Variants in CPNE8 observed in about 807,000 individuals in gnomAD.
The protein encoded by CPNE8 is copine-8.
CPNE8 carries 45 observed loss-of-function variants against 81.5 expected under a neutral mutation model. The observed-to-expected ratio is 0.55, with a 90% CI of 0.44 to 0.71. The LOEUF (loss-of-function observed/expected upper bound fraction) is 0.71. Among genes scored for constraint, CPNE8 ranks in the 30% least tolerant of loss-of-function variants. The pLI, the probability that CPNE8 is intolerant of heterozygous loss-of-function variation, is 0.00. For missense variants in CPNE8, 594 were observed against 672.1 expected (o/e 0.88, Z 1.28); for synonymous variants, 252 against 226.3 (o/e 1.11, Z -1.02).
chr12:38,686,238 T>G (rs1223388210), intron 15 of CPNE8, among the ~76,000 whole-genome samples: 1 of 151,818 alleles, frequency 6.6e-6, no homozygotes, highest in Non-Finnish European at 1.5e-5. Flanking sequence ...TATAATTTGG[T>G]GTGGGGAATA....
intron 19 of CPNE8, among the ~76,000 whole-genome samples, chr12:38,654,377 C>T (rs1002974068): frequency 2.0e-5 from 3 of 151,436 alleles, no homozygotes; most frequent in Admixed American, 1.3e-4. Context: ...TAGCTGGGTG[C>T]GGTGGCACAC....
At chr12:38,724,822 T>A (rs767241770) in intron 12 of CPNE8, 24 bp downstream of exon 12, 1 of 1,362,350 alleles carries the variant, frequency 7.3e-7, no homozygotes, top group Non-Finnish European at 1.0e-6. Context: ...TAATCTTTAA[T>A]AAATAACATA....
intron 4 of CPNE8, among the ~76,000 whole-genome samples, chr12:38,843,435 T>C (rs1389080008): frequency 6.6e-6 from 1 of 152,030 alleles, no homozygotes; most frequent in African/African-American, 2.4e-5. Flanking sequence ...GACTTTTCCC[T>C]CTCTGTTGGG....
intron 6 of CPNE8, among the ~76,000 whole-genome samples, chr12:38,828,938 T>C (rs1205786440): frequency 1.3e-5 from 2 of 152,186 alleles, no homozygotes; most frequent in Non-Finnish European, 2.9e-5. Flanking sequence ...CTTCTCCCAA[T>C]ATTTACCTAC....
chr12:38,880,837 G>GA (rs748323427), intron 1 of CPNE8, among the ~76,000 whole-genome samples: 5 of 151,718 alleles, frequency 3.3e-5, no homozygotes, highest in Non-Finnish European at 1.5e-5. Flanking sequence ...CACACTTCAG[G>GA]AAAAAATATT....
intron 3 of CPNE8, 77 bp downstream of exon 3, chr12:38,872,927 A>G: frequency 1.2e-6 from 1 of 818,104 alleles, no homozygotes; most frequent in Non-Finnish European, 2.0e-6. Flanking sequence ...TGGAAAATAG[A>G]AAGTATCATC....
chr12:38,762,284 C>A (rs928589173), intron 8 of CPNE8, 68 bp from the exon 9 acceptor site: 3 of 795,266 alleles, frequency 3.8e-6, no homozygotes, highest in African/African-American at 3.5e-5. Flanking sequence ...GTTTTAGTAG[C>A]CATTCCTCTG....
chr12:38,796,980 A>G (rs1942495744), intron 6 of CPNE8, among the ~76,000 whole-genome samples: 1 of 152,206 alleles, frequency 6.6e-6, no homozygotes, highest in African/African-American at 2.4e-5. Context: ...GCAAGGCGGC[A>G]GCAAGGCTGG....
intron 16 of CPNE8, chr12:38,679,482 CTT>C: frequency 5.9e-6 from 3 of 511,232 alleles, no homozygotes; most frequent in Non-Finnish European, 7.5e-6. Flanking sequence ...TTTTATATCT[CTT>C]CACTTTGAAA....
intron 10 of CPNE8, among the ~76,000 whole-genome samples, chr12:38,733,540 T>C (rs1940885033): frequency 6.6e-6 from 1 of 151,938 alleles, no homozygotes; most frequent in African/African-American, 2.4e-5. Flanking sequence ...TGTTTTGCTA[T>C]TTCCTGTTAA....
chr12:38,653,617 T>TTAAAAAAAAAA lies in CPNE8; in HGVS notation c.*264_*265insTTTTTTTTTTA, dbSNP rs66915084. ...TACATTGGAAATTAGCTGTTTCTGT[T>TTAAAAAAAAAA]AAAAAAAAAAAGAAAGAAAGATTTA... On this transcript the variant is annotated 3_prime_UTR_variant, in exon 20 of 20. Coordinates refer to ENST00000331366, the MANE Select transcript of CPNE8 (RefSeq NM_153634.3). 2 of 148,538 alleles carry TTAAAAAAAAAA rather than the reference T, an allele frequency of 1.3e-5. No homozygotes were observed. Among genetic ancestry groups the TTAAAAAAAAAA allele is most frequent in the African/African-American group, 2.6e-5 (1 of 38,316 alleles). The allele number at this position is 148,538 out of a possible 1,614,324, so 9.2% of individuals were successfully genotyped here.
chr12:38,889,973 A>T (rs889455194), intron 1 of CPNE8, among the ~76,000 whole-genome samples: 1 of 152,194 alleles, frequency 6.6e-6, no homozygotes, highest in Non-Finnish European at 1.5e-5. Context: ...CCTCTGAAGC[A>T]ATTTTGATGG....
chr12:38,661,969 AAAAATTGTCTGT>A, intron 19 of CPNE8, among the ~76,000 whole-genome samples: 1 of 152,168 alleles, frequency 6.6e-6, no homozygotes. Flanking sequence ...CCTTCAGGAT[AAAAATTGTCTGT>A]AAATTAGGTA....
At chr12:38,750,165 A>C (rs1941322670) in intron 10 of CPNE8, among the ~76,000 whole-genome samples, 1 of 152,178 alleles carries the variant, frequency 6.6e-6, no homozygotes, top group South Asian at 2.1e-4. Flanking sequence ...GGCAGCTTCC[A>C]CATGGTGTTG....
chr12:38,693,968 T>G, intron 14 of CPNE8, 130 bp from the exon 15 acceptor site: 1 of 583,460 alleles, frequency 1.7e-6, no homozygotes, highest in Non-Finnish European at 2.7e-6. Flanking sequence ...GTGTGTCAAA[T>G]CATTTCTTTT....
intron 6 of CPNE8, among the ~76,000 whole-genome samples, chr12:38,810,486 T>C (rs568157654): frequency 4.7e-4 from 71 of 152,214 alleles, no homozygotes; most frequent in Admixed American, 1.2e-3. Flanking sequence ...CTTCGGCCAT[T>C]TGGGTAAGCT....
chr12:38,857,802 A>G (rs944414275), intron 3 of CPNE8, among the ~76,000 whole-genome samples: 2 of 152,176 alleles, frequency 1.3e-5, no homozygotes, highest in African/African-American at 2.4e-5. Context: ...AGGCTGAGGC[A>G]GGAGAATTGC....
intron 10 of CPNE8, among the ~76,000 whole-genome samples, chr12:38,740,217 A>G (rs1039130806): frequency 6.6e-6 from 1 of 152,164 alleles, no homozygotes; most frequent in African/African-American, 2.4e-5. Flanking sequence ...ATTGGTGTAT[A>G]AGAATGCTTG....
chr12:38,730,846 A>C (rs1940815041), intron 10 of CPNE8, among the ~76,000 whole-genome samples: 1 of 103,758 alleles, frequency 9.6e-6, no homozygotes, highest in African/African-American at 3.3e-5. Context: ...TGTAATAGTC[A>C]CTACACTTTT....
Sources: gnomAD v4.1 joint callset for allele counts (sites outside exome capture counted in the v4.1 genomes callset) on GRCh38, gnomAD v4.1.1 for gene constraint, MANE v1.5 for transcripts, NCBI Gene and HGNC (gene_info 2026-07-23, HGNC 2026-07-21) for gene names.